USP31: variants seen among roughly 807,000 people sequenced by gnomAD.
The protein encoded by USP31 is ubiquitin specific peptidase 31, also known as ubiquitin carboxyl-terminal hydrolase 31.
In USP31, 44 loss-of-function variants were observed where a neutral mutation model predicts 119.4. The ratio of observed to expected loss-of-function variants is 0.37; its 90% CI spans 0.29 to 0.47. The LOEUF (loss-of-function observed/expected upper bound fraction) is 0.47, where lower values mean the gene tolerates loss of function less well. USP31 is among the 20% of genes least tolerant of loss of function. The probability of loss-of-function intolerance (pLI) is 0.99; values close to 1 mark genes in which losing one functional copy is unlikely to be tolerated. For synonymous variants in USP31, 749 were observed against 705.6 expected (o/e 1.06, Z -0.97); for missense variants, 1,643 against 1,730.2 (o/e 0.95, Z 0.89).
At chr16:23,143,593 G>T (rs913515692) in intron 1 of USP31, among the ~76,000 whole-genome samples, 1 of 150,720 alleles carries the variant, frequency 6.6e-6, no homozygotes, top group Non-Finnish European at 1.5e-5. Flanking sequence ...GTTGGGGGGG[G>T]GGAGAGAGAG....
At chr16:23,127,060 AT>A (rs1030725558) in intron 1 of USP31, among the ~76,000 whole-genome samples, 28 of 152,280 alleles carry the variant, frequency 1.8e-4, no homozygotes, top group African/African-American at 6.7e-4. Flanking sequence ...CATATATTGT[AT>A]TTTTTAATAT....
At chr16:23,075,442 C>A (rs916504421) in intron 13 of USP31, among the ~76,000 whole-genome samples, 10 of 152,188 alleles carry the variant, frequency 6.6e-5, no homozygotes, top group African/African-American at 2.4e-4. Context: ...TCATTAATTA[C>A]AAAATAATTC....
intron 1 of USP31, among the ~76,000 whole-genome samples, chr16:23,138,207 A>C (rs1481006414): frequency 1.3e-5 from 2 of 152,204 alleles, no homozygotes; most frequent in Non-Finnish European, 2.9e-5. Flanking sequence ...AAAATCTCAG[A>C]ATTGGAGTGT....
chr16:23,068,921 G>A lies in USP31; in HGVS notation c.3184C>T (p.Leu1062Phe), dbSNP rs1900215832. 6.2e-7 allele frequency: 1 copy of A among 1,609,096 alleles called. No individual in the cohort carries two copies. Among genetic ancestry groups the A allele is most frequent in the African/African-American group, 1.4e-5 (1 of 71,564 alleles). The change falls in exon 16 of 16, where the codon CTT becomes TTT. Residue 1062 changes from leucine to phenylalanine, a missense_variant. Leu to Phe is a conservative substitution (Grantham distance 22, BLOSUM62 0). Transcript: ENST00000219689. The stretch of plus-strand genomic sequence containing the variant: ...GGCTTTAGAGAGACTTTTACAGGAA[G>A]AGGAGAAGAAGGGGATGTACTTGAA... ...SLSSTSPSSP[L>F]PVKVSLKPSR...
chr16:23,064,310 G>C lies in USP31; in HGVS notation c.*3736C>G, dbSNP rs769616709. On this transcript the variant is annotated 3_prime_UTR_variant, in exon 16 of 16. Coordinates refer to ENST00000219689, the MANE Select transcript of USP31 (RefSeq NM_020718.4). ...TGCCCCTCTATGTGAAATAAAGCAC[G>C]CTTATTTCAAATAAATGAGCTTTGT... 1 of 152,230 alleles carries C rather than the reference G, an allele frequency of 6.6e-6. No individual in the cohort carries two copies. The highest frequency in any genetic ancestry group is 1.5e-5 in the Non-Finnish European group (1 of 68,022). The allele number at this position is 152,230 out of a possible 1,614,324, so 9.4% of individuals were successfully genotyped here.
chr16:23,111,093 C>A (rs200446281), intron 1 of USP31, among the ~76,000 whole-genome samples: 1 of 151,578 alleles, frequency 6.6e-6, no homozygotes, highest in South Asian at 2.1e-4. Context: ...GTGCCACTGC[C>A]CTCCAGCCTG....
Position 23,068,245 on chromosome 16 carries a change from G to C in USP31, c.3860C>G (p.Thr1287Arg). The C allele has an allele frequency of 6.2e-7, 1 of 1,614,168 alleles. No homozygotes were observed. The highest frequency in any genetic ancestry group is 8.5e-7 in the Non-Finnish European group (1 of 1,180,036). ...GGTGACAAGCTGCTCTTTTCCCGTT[G>C]TATTTGCATTTGGCTGCTGGGAAGC... ...PPASQQPNANTTGKEQLVTKD... is the reference protein window; with the variant it reads ...PPASQQPNANRTGKEQLVTKD... Residue 1287 changes from threonine to arginine, a missense_variant, in exon 16 of 16, where the codon ACA (threonine) becomes AGA (arginine). Thr to Arg is a moderately conservative substitution (Grantham distance 71). This residue lies in a region of USP31 where 699 missense variants were observed against 650.9 expected (regional missense o/e 1.07). Coordinates refer to ENST00000219689, the MANE Select transcript of USP31 (RefSeq NM_020718.4).
In USP31 at chr16:23,085,054, A is replaced by T. The variant is rs533406396; in HGVS notation, c.1701-65T>A. On this transcript the variant is annotated intron_variant, in intron 10 of 15. Transcript: ENST00000219689. ...GCAAAACAGAAGGAAAAATACAATT[A>T]TGGCTTCATGAAGTGACTACAAACT... is the stretch of plus-strand genomic sequence containing the variant. 8.6e-4 allele frequency: 1,370 copies of T among 1,585,418 alleles called. 1 individual carries two copies. The highest frequency in any genetic ancestry group is 1.3e-3 in the Admixed American group (77 of 58,790).
intron 1 of USP31, among the ~76,000 whole-genome samples, chr16:23,131,672 G>A (rs1010065967): frequency 6.6e-6 from 1 of 152,020 alleles, no homozygotes; most frequent in Non-Finnish European, 1.5e-5. Flanking sequence ...AACCATAAAA[G>A]GCACATGGAA....
chr16:23,106,240 G>T lies in USP31; in HGVS notation c.926C>A (p.Ser309Tyr). The T allele has an allele frequency of 6.2e-7, 1 of 1,614,166 alleles. No individual in the cohort carries two copies. Among genetic ancestry groups the T allele is most frequent in the Non-Finnish European group, 8.5e-7 (1 of 1,180,030 alleles). The change falls in exon 4 of 16, where the codon TCT (serine) becomes TAT (tyrosine). Residue 309 changes from serine to tyrosine, a missense_variant. This residue lies in a region of USP31 where 144 missense variants were observed against 218.0 expected (regional missense o/e 0.66). Coordinates refer to ENST00000219689, the MANE Select transcript of USP31 (RefSeq NM_020718.4). ...TGTGTGGGGCAGAGGAATTGGCAAA[G>T]AAATGCAAAGGAAAGGATCAAAAGT... is the stretch of plus-strand genomic sequence containing the variant. ...SNTFDPFLCI[S>Y]LPIPLPHTRP...
At chr16:23,134,089 T>TCTCACACA (rs1435847121) in intron 1 of USP31, among the ~76,000 whole-genome samples, 4 of 146,442 alleles carry the variant, frequency 2.7e-5, no homozygotes, top group Admixed American at 1.4e-4. Context: ...TCTCTCTCTC[T>TCTCACACA]CACACACACA....
At chr16:23,082,831 CTTTTTTT>C (rs71151692) in intron 11 of USP31, among the ~76,000 whole-genome samples, 6 of 129,312 alleles carry the variant, frequency 4.6e-5, no homozygotes, top group African/African-American at 1.1e-4. Flanking sequence ...CTTTCTCTCT[CTTTTTTT>C]TTTTTTTTTT....
chr16:23,108,264 G>A, intron 1 of USP31, 81 bp from the exon 2 acceptor site: 1 of 1,503,922 alleles, frequency 6.6e-7, no homozygotes, highest in Admixed American at 2.2e-5. Context: ...ATCGCAAAAG[G>A]GATGCAAGAT....
In USP31 at chr16:23,108,060, G is replaced by C; in HGVS notation, c.757C>G (p.Gln253Glu). ...TGCGTCCTTACCTTCAGAGGAGGCT[G>C]GCCACTCTGCTTCACTGAATGGTTG... Reference protein sequence around the residue: ...DLNHSVKQSGQPPLKPPSETD... With the variant: ...DLNHSVKQSGEPPLKPPSETD... Residue 253 changes from glutamine (Q) to glutamate (E), a missense_variant, in exon 2 of 16, where the codon CAG becomes GAG. Physicochemically the swap from Gln to Glu is conservative, Grantham distance 29 (BLOSUM62 2). Coordinates refer to ENST00000219689, the MANE Select transcript of USP31 (RefSeq NM_020718.4). 1 of 1,613,494 alleles carries C rather than the reference G, an allele frequency of 6.2e-7. No homozygotes were observed. Among genetic ancestry groups the C allele is most frequent in the Non-Finnish European group, 8.5e-7 (1 of 1,179,784 alleles).
chr16:23,101,721 G>A (rs947021472), intron 6 of USP31, among the ~76,000 whole-genome samples: 2 of 152,064 alleles, frequency 1.3e-5, no homozygotes, highest in African/African-American at 2.4e-5. Flanking sequence ...ATGCTGTGGC[G>A]AGGAGCAAAG....
intron 10 of USP31, 102 bp from the exon 11 acceptor site, chr16:23,085,091 G>GAA: frequency 3.0e-6 from 4 of 1,352,400 alleles, no homozygotes; most frequent in South Asian, 1.5e-5. Flanking sequence ...ATAACCGAAG[G>GAA]AAAAAAAAAA....
intron 4 of USP31, among the ~76,000 whole-genome samples, chr16:23,105,798 A>C (rs1189824096): frequency 3.9e-5 from 6 of 152,212 alleles, no homozygotes; most frequent in Non-Finnish European, 5.9e-5. Context: ...CATTCTATGA[A>C]GCAAACAAAA....
intron 1 of USP31, among the ~76,000 whole-genome samples, chr16:23,142,048 T>G (rs1159799512): frequency 6.6e-6 from 1 of 152,260 alleles, no homozygotes; most frequent in African/African-American, 2.4e-5. Flanking sequence ...AACCTAGTCC[T>G]ATAACCTTTG....
chr16:23,128,341 C>CA (rs1680377271), intron 1 of USP31, among the ~76,000 whole-genome samples: 1 of 152,102 alleles, frequency 6.6e-6, no homozygotes, highest in African/African-American at 2.4e-5. Context: ...AGTACAGTCT[C>CA]AAAACGACTT....
Sources: allele counts gnomAD v4.1 joint callset (sites outside exome capture counted in the v4.1 genomes callset), GRCh38; gene constraint gnomAD v4.1.1; regional missense constraint gnomAD v4.1.1; transcripts MANE v1.5; gene names NCBI Gene and HGNC (gene_info 2026-07-23, HGNC 2026-07-21).